The following KIAA0825 variants were observed in gnomAD, a reference collection of about 807,000 sequenced individuals.
KIAA0825 encodes the protein uncharacterized protein KIAA0825.
In KIAA0825, 119 loss-of-function variants were observed where a neutral mutation model predicts 147.6. That is an observed-to-expected ratio of 0.81 (90% confidence interval 0.69 to 0.94). KIAA0825 has a LOEUF of 0.94. Ranked by LOEUF, KIAA0825 falls within the 40% of genes least tolerant of loss-of-function variation. KIAA0825 has a pLI of 0.00. For synonymous variants in KIAA0825, 470 were observed against 518.1 expected, an observed-to-expected ratio of 0.91 and a Z score of 1.26; for missense variants, 1,381 against 1,472.7, an observed-to-expected ratio of 0.94 and a Z score of 1.02.
intron 13 of KIAA0825, among the ~76,000 whole-genome samples, chr5:94,445,717 G>C (rs1200142410): frequency 6.6e-6 from 1 of 152,134 alleles, no homozygotes; most frequent in East Asian, 1.9e-4. Flanking sequence ...TGATAGAAAA[G>C]ACATAAACCT....
chr5:94,290,082 T>C (rs952788105), intron 20 of KIAA0825, among the ~76,000 whole-genome samples: 5 of 152,048 alleles, frequency 3.3e-5, no homozygotes, highest in African/African-American at 1.2e-4. Context: ...GAATAGCACA[T>C]CACAGATAGG....
At chr5:94,576,890 T>C (rs1561342091) in intron 2 of KIAA0825, among the ~76,000 whole-genome samples, 1 of 152,204 alleles carries the variant, frequency 6.6e-6, no homozygotes, top group Non-Finnish European at 1.5e-5. Flanking sequence ...ATTTTAGTTA[T>C]AATTAAAAGA....
intron 13 of KIAA0825, among the ~76,000 whole-genome samples, chr5:94,444,777 G>A (rs1757527025): frequency 6.6e-6 from 1 of 152,050 alleles, no homozygotes. Context: ...AAGAATCAAT[G>A]ATAGAATTCA....
At chr5:94,347,096 G>A (rs1783087987) in intron 20 of KIAA0825, among the ~76,000 whole-genome samples, 1 of 152,078 alleles carries the variant, frequency 6.6e-6, no homozygotes, top group South Asian at 2.1e-4. Context: ...ATCTTCCTAG[G>A]TATACAACTC....
intron 20 of KIAA0825, among the ~76,000 whole-genome samples, chr5:94,171,712 C>T (rs1444285417): frequency 6.6e-6 from 1 of 151,966 alleles, no homozygotes; most frequent in Non-Finnish European, 1.5e-5. Context: ...TTAATACCTC[C>T]ATAATTAAGA....
chr5:94,505,745 T>C (rs1325474488), intron 5 of KIAA0825, among the ~76,000 whole-genome samples: 1 of 152,214 alleles, frequency 6.6e-6, no homozygotes, highest in Non-Finnish European at 1.5e-5. Context: ...TACATGTAAA[T>C]AATAATTGCA....
chr5:94,212,133 T>G (rs1213946004), intron 20 of KIAA0825, among the ~76,000 whole-genome samples: 3 of 152,190 alleles, frequency 2.0e-5, no homozygotes, highest in Non-Finnish European at 4.4e-5. Context: ...TATTAGATAG[T>G]AAGGATTTAT....
At chr5:94,443,359 TACACACACAC>T (rs70978110) in intron 13 of KIAA0825, among the ~76,000 whole-genome samples, 2 of 148,624 alleles carry the variant, frequency 1.3e-5, no homozygotes, top group Non-Finnish European at 3.0e-5. Context: ...TGTATATATA[TACACACACAC>T]ACACACACAC....
At chr5:94,353,371 C>G (rs1037063474) in intron 20 of KIAA0825, among the ~76,000 whole-genome samples, 2 of 152,126 alleles carry the variant, frequency 1.3e-5, no homozygotes, top group African/African-American at 4.8e-5. Context: ...TGTTAAATTA[C>G]CCATGTAATT....
rs969370512 is a variant in KIAA0825 at position 94,152,212 on chromosome 5, C to T, written c.*1795G>A. 6.6e-6 allele frequency among the ~76,000 whole-genome samples: 1 copy of T among 152,102 alleles called. No individual in the cohort carries two copies. Among genetic ancestry groups the T allele is most frequent in the Non-Finnish European group, 1.5e-5 (1 of 68,010 alleles). On this transcript the variant is annotated 3_prime_UTR_variant, in exon 21 of 21. Transcript: ENST00000682413. ...AATGTAAGAGATTTCCTAATGTGGC[C>T]TCCTCTGCACCCCAAGCTTTTACTC...
At chr5:94,474,179 G>A (rs1388607799) in intron 7 of KIAA0825, among the ~76,000 whole-genome samples, 1 of 152,138 alleles carries the variant, frequency 6.6e-6, no homozygotes, top group Non-Finnish European at 1.5e-5. Context: ...GTGGTTGGGG[G>A]GGTACTTGGA....
chr5:94,419,601 A>G lies in KIAA0825; in HGVS notation c.2498-2236T>C, dbSNP rs959500562. Among the ~76,000 whole-genome samples the G allele has an allele frequency of 7.2e-5, 11 of 152,184 alleles. 1 individual carries two copies. The highest frequency in any genetic ancestry group is 2.7e-4 in the African/African-American group (11 of 41,444). On this transcript the variant is annotated intron_variant, in intron 14 of 20. Coordinates refer to ENST00000682413, the MANE Select transcript of KIAA0825 (RefSeq NM_001145678.3). The stretch of plus-strand genomic sequence containing the variant: ...CAGGCTATATGTGTTTTCCTCCAAT[A>G]AAATCATCATGATTTAATCAATAAG...
chr5:94,481,008 A>G (rs999609389), intron 6 of KIAA0825, among the ~76,000 whole-genome samples: 1 of 152,146 alleles, frequency 6.6e-6, no homozygotes, highest in Non-Finnish European at 1.5e-5. Context: ...AAATTTGGCA[A>G]TGTAAAACTC....
At chr5:94,411,451 T>C (rs1464281009) in intron 15 of KIAA0825, among the ~76,000 whole-genome samples, 2 of 152,150 alleles carry the variant, frequency 1.3e-5, no homozygotes, top group African/African-American at 4.8e-5. Flanking sequence ...AAGAATAGCC[T>C]TTTTAAAAAA....
In KIAA0825 at chr5:94,163,462, G is replaced by A. The variant is rs141408991; in HGVS notation, c.3711-9338C>T. 3.7e-3 allele frequency among the ~76,000 whole-genome samples: 562 copies of A among 152,052 alleles called. 3 individuals carry two copies. The highest frequency in any genetic ancestry group is 5.8e-3 in the Non-Finnish European group (397 of 67,978). ...TATCATCATCTCACTTGGGTCTCTG[G>A]TTGTTGATTGCCTTGCTTCTTCTAT... On this transcript the variant is annotated intron_variant, in intron 20 of 20. Coordinates refer to ENST00000682413, the MANE Select transcript of KIAA0825 (RefSeq NM_001145678.3).
At chr5:94,241,658 C>A (rs1775351666) in intron 20 of KIAA0825, among the ~76,000 whole-genome samples, 1 of 152,030 alleles carries the variant, frequency 6.6e-6, no homozygotes, top group Non-Finnish European at 1.5e-5. Context: ...AAATAAAATA[C>A]CCTTCCTACA....
intron 20 of KIAA0825, among the ~76,000 whole-genome samples, chr5:94,317,845 C>T (rs559012919): frequency 6.6e-6 from 1 of 151,918 alleles, no homozygotes; most frequent in East Asian, 1.9e-4. Context: ...TTATAAATTA[C>T]ATTTTCCATA....
intron 20 of KIAA0825, among the ~76,000 whole-genome samples, chr5:94,280,628 C>T (rs1777413414): frequency 6.6e-6 from 1 of 152,048 alleles, no homozygotes; most frequent in South Asian, 2.1e-4. Context: ...TGTAACCTAT[C>T]AGTGCTACTA....
chr5:94,559,040 T>C (rs1321767514), intron 2 of KIAA0825, among the ~76,000 whole-genome samples: 1 of 152,240 alleles, frequency 6.6e-6, no homozygotes, highest in Admixed American at 6.5e-5. Context: ...TCCCATGTCA[T>C]GTAAAACTTA....
Sources: gnomAD v4.1 joint callset for allele counts (sites outside exome capture counted in the v4.1 genomes callset) on GRCh38, gnomAD v4.1.1 for gene constraint, MANE v1.5 for transcripts, NCBI Gene and HGNC (gene_info 2026-07-23, HGNC 2026-07-21) for gene names.